SLMAP: variants seen among roughly 807,000 people sequenced by gnomAD.
The protein encoded by SLMAP is sarcolemmal membrane-associated protein.
Under a neutral mutation model 128.8 loss-of-function variants are expected in SLMAP, and 44 were observed. That is an observed-to-expected ratio of 0.34 (90% CI 0.27 to 0.44). The LOEUF is 0.44. SLMAP is among the 20% of genes least tolerant of loss of function. SLMAP has a pLI of 1.00. For synonymous variants in SLMAP, 327 were observed against 348.8 expected (o/e 0.94, Z 0.70); for missense variants, 787 against 985.3 (o/e 0.80, Z 2.69).
intron 15 of SLMAP, among the ~76,000 whole-genome samples, chr3:57,893,450 A>G (rs944941757): frequency 5.3e-5 from 8 of 152,052 alleles, no homozygotes; most frequent in African/African-American, 1.4e-4. Flanking sequence ...GAAAAGAAAA[A>G]AAAAAAAACA....
intron 22 of SLMAP, chr3:57,917,781 A>T (rs1338888398): frequency 6.6e-6 from 1 of 152,348 alleles, no homozygotes; most frequent in East Asian, 1.9e-4. Context: ...CTGGCCTCAT[A>T]CCACTCCCTG....
chr3:57,868,336 G>A (rs529479920), intron 13 of SLMAP, among the ~76,000 whole-genome samples: 2 of 152,132 alleles, frequency 1.3e-5, no homozygotes, highest in African/African-American at 4.8e-5. Flanking sequence ...GCTTGCTCCT[G>A]TAATCCCAGC....
At chr3:57,862,953 T>C (rs984343219) in intron 10 of SLMAP, among the ~76,000 whole-genome samples, 2 of 152,208 alleles carry the variant, frequency 1.3e-5, no homozygotes, top group Non-Finnish European at 2.9e-5. Context: ...TCTGGATGAA[T>C]ATGTAGTCAG....
intron 21 of SLMAP, among the ~76,000 whole-genome samples, chr3:57,914,663 A>G (rs1358555921): frequency 6.6e-6 from 1 of 151,402 alleles, no homozygotes; most frequent in African/African-American, 2.4e-5. Flanking sequence ...GCTCATCACA[A>G]CCTCCACCCC....
intron 2 of SLMAP, among the ~76,000 whole-genome samples, chr3:57,767,555 T>G (rs917009286): frequency 1.3e-5 from 2 of 152,240 alleles, no homozygotes; most frequent in Non-Finnish European, 1.5e-5. Context: ...ATTGGTGATA[T>G]GAAATTATAT....
chr3:57,894,813 G>A (rs1306027372), intron 15 of SLMAP, among the ~76,000 whole-genome samples: 1 of 152,164 alleles, frequency 6.6e-6, no homozygotes, highest in African/African-American at 2.4e-5. Flanking sequence ...ATGCAGGCAT[G>A]TATTAGCCCT....
At chr3:57,869,660 A>ATATATATATAAT (rs1553900183) in intron 13 of SLMAP, among the ~76,000 whole-genome samples, 13 of 81,368 alleles carry the variant, frequency 1.6e-4, no homozygotes, top group Non-Finnish European at 2.7e-4. Context: ...ATATATATAT[A>ATATATATATAAT]ATATATATAA....
chr3:57,832,228 A>G (rs898151091), intron 3 of SLMAP, among the ~76,000 whole-genome samples: 15 of 152,230 alleles, frequency 9.9e-5, no homozygotes, highest in African/African-American at 3.1e-4. Context: ...AAGAAGATCT[A>G]TGATTGACAT....
chr3:57,759,420 GGCACAC>G (rs1443796803), intron 2 of SLMAP, among the ~76,000 whole-genome samples: 1 of 151,826 alleles, frequency 6.6e-6, no homozygotes, highest in Non-Finnish European at 1.5e-5. Flanking sequence ...TGGTATTACA[GGCACAC>G]GCCACCATGC....
At chr3:57,835,511 C>T (rs1490953249) in intron 3 of SLMAP, among the ~76,000 whole-genome samples, 1 of 152,050 alleles carries the variant, frequency 6.6e-6, no homozygotes, top group Non-Finnish European at 1.5e-5. Flanking sequence ...GGATTTATTC[C>T]AGAAATGCCA....
In SLMAP at chr3:57,909,913, A is replaced by ATT. The variant is rs202241053; in HGVS notation, c.1699+778_1699+779dup. ...AGGTGTGAGCCACTGCGCCTGGCCT[A>ATT]TTTTTTTTTTTTTTTTAAAGAAAAT... On this transcript the variant is annotated intron_variant, in intron 19 of 24. Coordinates refer to ENST00000671191, the MANE Select transcript of SLMAP (RefSeq NM_001377540.1). Among the ~76,000 whole-genome samples the ATT allele has an allele frequency of 3.2e-3, 463 of 144,496 alleles. 2 individuals carry two copies. Among genetic ancestry groups the ATT allele is most frequent in the African/African-American group, 0.01 (401 of 39,088 alleles). 94.8% of individuals were successfully genotyped at this position (144,496 alleles called of 152,430 possible).
At chr3:57,877,610 A>C (rs1322864160) in intron 14 of SLMAP, among the ~76,000 whole-genome samples, 2 of 151,974 alleles carry the variant, frequency 1.3e-5, no homozygotes, top group East Asian at 3.9e-4. Flanking sequence ...TGTATTAGAG[A>C]GTTGTTTGTA....
At chr3:57,765,255 A>G (rs2153434646) in intron 2 of SLMAP, among the ~76,000 whole-genome samples, 1 of 152,296 alleles carries the variant, frequency 6.6e-6, no homozygotes, top group Admixed American at 6.5e-5. Context: ...AAAAACTTGT[A>G]TTTGCCAGGG....
intron 2 of SLMAP, among the ~76,000 whole-genome samples, chr3:57,784,282 C>G (rs2083633831): frequency 6.6e-6 from 1 of 152,122 alleles, no homozygotes; most frequent in East Asian, 1.9e-4. Flanking sequence ...TGGACTGAGT[C>G]TAGGAAAGCT....
Position 57,928,199 on chromosome 3 carries a change from T to C in SLMAP, c.*910T>C, listed in dbSNP as rs573641070. 6.5e-6 allele frequency: 1 copy of C among 152,714 alleles called. No homozygotes were observed. Among genetic ancestry groups the C allele is most frequent in the East Asian group, 1.9e-4 (1 of 5,188 alleles). The allele number at this position is 152,714 out of a possible 1,614,324, so 9.5% of individuals were successfully genotyped here. ...GGAATGTAATTTATTAAACCATGTA[T>C]TTAAAGAGATATTTTTCTTTAAAAG... On this transcript the variant is annotated 3_prime_UTR_variant, in exon 25 of 25. Coordinates refer to ENST00000671191, the MANE Select transcript of SLMAP (RefSeq NM_001377540.1).
intron 14 of SLMAP, among the ~76,000 whole-genome samples, chr3:57,876,108 ATTATTT>A (rs1239890943): frequency 1.3e-5 from 2 of 152,152 alleles, no homozygotes; most frequent in Non-Finnish European, 2.9e-5. Flanking sequence ...CCTAGCCTTC[ATTATTT>A]ATTAGTGCTT....
At chr3:57,857,680 C>G in intron 6 of SLMAP, 53 bp from the exon 7 acceptor site, 2 of 1,216,756 alleles carry the variant, frequency 1.6e-6, no homozygotes, top group Non-Finnish European at 2.4e-6. Context: ...GATCACTCCT[C>G]AAAAGAATCA....
chr3:57,904,375 C>T (rs78603575), intron 17 of SLMAP, among the ~76,000 whole-genome samples: 1,922 of 152,204 alleles, frequency 0.013, 28 homozygotes, highest in African/African-American at 0.044. Flanking sequence ...AGTGAGTAGA[C>T]ATTGTGACAC....
intron 6 of SLMAP, among the ~76,000 whole-genome samples, chr3:57,851,978 T>G (rs2094521902): frequency 6.6e-6 from 1 of 152,076 alleles, no homozygotes; most frequent in South Asian, 2.1e-4. Flanking sequence ...TGGCGTGATC[T>G]TGGCTCACTG....
Sources: allele counts gnomAD v4.1 joint callset (sites outside exome capture counted in the v4.1 genomes callset), GRCh38; gene constraint gnomAD v4.1.1; transcripts MANE v1.5; gene names NCBI Gene and HGNC (gene_info 2026-07-23, HGNC 2026-07-21).